Variants in PUS10 observed in about 807,000 individuals in gnomAD.
PUS10 encodes tRNA pseudouridine synthase Pus10.
PUS10 carries 59 observed loss-of-function variants against 75.0 expected under a neutral mutation model. The ratio of observed to expected loss-of-function variants is 0.79; its 90% confidence interval spans 0.64 to 0.98. PUS10 has a LOEUF of 0.98. Ranked by LOEUF, PUS10 falls within the 50% of genes least tolerant of loss-of-function variation. PUS10 has a pLI of 0.00. For missense variants in PUS10, 650 were observed against 614.4 expected (o/e 1.06, Z -0.61); for synonymous variants, 219 against 211.6 (o/e 1.03, Z -0.30).
intron 12 of PUS10, 140 bp downstream of exon 12, chr2:60,954,878 T>A (rs1344286803): frequency 2.0e-6 from 1 of 495,536 alleles, no homozygotes; most frequent in African/African-American, 2.0e-5. Flanking sequence ...GCCTCCATAA[T>A]CCACAAAGCT....
intron 15 of PUS10, among the ~76,000 whole-genome samples, chr2:60,948,418 C>G (rs1221991937): frequency 4.6e-5 from 7 of 152,092 alleles, no homozygotes; most frequent in Non-Finnish European, 2.9e-5. Context: ...GATAGAGATG[C>G]GGTTTCACCA....
chr2:60,991,911 C>G (rs1573479583), intron 4 of PUS10, among the ~76,000 whole-genome samples: 1 of 152,096 alleles, frequency 6.6e-6, no homozygotes, highest in East Asian at 1.9e-4. Context: ...TGGTAGGGGA[C>G]ACCTCCCTGG....
chr2:60,958,896 G>T (rs1479239606), intron 11 of PUS10, among the ~76,000 whole-genome samples: 1 of 151,620 alleles, frequency 6.6e-6, no homozygotes, highest in Admixed American at 6.6e-5. Flanking sequence ...AAAAAAAAAA[G>T]GTTTTCTAAT....
intron 4 of PUS10, among the ~76,000 whole-genome samples, chr2:60,972,397 G>C (rs1263905640): frequency 6.6e-6 from 1 of 151,758 alleles, no homozygotes; most frequent in African/African-American, 2.4e-5. Context: ...GTGAACCCGG[G>C]AGGCGGAGCT....
chr2:60,944,199 C>T, intron 17 of PUS10: 1 of 983,634 alleles, frequency 1.0e-6, no homozygotes, highest in East Asian at 1.1e-4. Flanking sequence ...GATAGTTTCA[C>T]TGAAGAGGCT....
At chr2:60,986,804 C>T (rs954124607) in intron 4 of PUS10, among the ~76,000 whole-genome samples, 2 of 152,122 alleles carry the variant, frequency 1.3e-5, no homozygotes, top group African/African-American at 4.8e-5. Context: ...GCAAGGGATT[C>T]GGAGACAGAA....
At chr2:60,991,904 T>C (rs1447469973) in intron 4 of PUS10, among the ~76,000 whole-genome samples, 1 of 152,120 alleles carries the variant, frequency 6.6e-6, no homozygotes, top group African/African-American at 2.4e-5. Context: ...TTTAACGTGG[T>C]AGGGGACACC....
chr2:60,968,000 C>A (rs1158716718), intron 5 of PUS10, among the ~76,000 whole-genome samples: 1 of 152,126 alleles, frequency 6.6e-6, no homozygotes, highest in Admixed American at 6.5e-5. Flanking sequence ...ATAATCACAT[C>A]CACATTTTAA....
chr2:60,959,054 T>G (rs924789229), intron 11 of PUS10, among the ~76,000 whole-genome samples: 1 of 152,222 alleles, frequency 6.6e-6, no homozygotes. Context: ...AACATAAACC[T>G]GATGGAACCT....
chr2:60,944,104 G>A (rs1174015084), intron 17 of PUS10: 10 of 395,406 alleles, frequency 2.5e-5, no homozygotes, highest in Non-Finnish European at 3.4e-5. Flanking sequence ...CTCCAGCCTG[G>A]GTGACAGTGC....
At chr2:60,947,588 G>C (rs1675027140) in intron 16 of PUS10, among the ~76,000 whole-genome samples, 1 of 152,126 alleles carries the variant, frequency 6.6e-6, no homozygotes, top group Non-Finnish European at 1.5e-5. Context: ...ACAGCACTTC[G>C]GAAGGCCGAG....
intron 15 of PUS10, 46 bp from the exon 16 acceptor site, chr2:60,948,231 C>T: frequency 1.3e-6 from 2 of 1,590,366 alleles, no homozygotes; most frequent in East Asian, 2.2e-5. Flanking sequence ...AGCTTTGCCA[C>T]CCAGTGAATC....
rs751971243 is a variant in PUS10, at chr2:60,953,962, G to A, written c.1161C>T (p.Ile387=). 2 of 1,613,948 alleles carry A rather than the reference G, an allele frequency of 1.2e-6. No individual in the cohort carries two copies. Among genetic ancestry groups the A allele is most frequent in the South Asian group, 2.2e-5 (2 of 91,074 alleles). Residue 387 remains isoleucine (I), a synonymous_variant, in exon 14 of 18, where the codon ATC becomes ATT. Transcript: ENST00000316752. Reference sequence around the variant, plus strand: ...TGACAAGCTGCAAGTCACGTACTTGGATTTTGTTAGATGAGTTATTAATTT... The same window carrying A: ...TGACAAGCTGCAAGTCACGTACTTGAATTTTGTTAGATGAGTTATTAATTT... ...QQKINNSSNK[I]QVRDLQLVTR...
At chr2:61,013,265 G>GAA (rs61561925) in intron 1 of PUS10, among the ~76,000 whole-genome samples, 43 of 112,242 alleles carry the variant, frequency 3.8e-4, no homozygotes, top group Non-Finnish European at 5.0e-4. Context: ...AAAAGAAACA[G>GAA]AAAAAAAAAA....
intron 2 of PUS10, chr2:61,010,855 G>A (rs1417114335): frequency 6.5e-7 from 1 of 1,550,232 alleles, no homozygotes; most frequent in Non-Finnish European, 8.7e-7. Flanking sequence ...CTTTGGGCAG[G>A]TTGCTTAACC....
At chr2:60,987,242 G>A (rs1454437593) in intron 4 of PUS10, among the ~76,000 whole-genome samples, 2 of 152,130 alleles carry the variant, frequency 1.3e-5, no homozygotes, top group African/African-American at 2.4e-5. Flanking sequence ...AATGACCAAG[G>A]CAGATTTAAC....
intron 9 of PUS10, among the ~76,000 whole-genome samples, chr2:60,962,442 T>C (rs1231530179): frequency 1.3e-5 from 2 of 152,028 alleles, no homozygotes; most frequent in Non-Finnish European, 1.5e-5. Flanking sequence ...GCAGTGGTGG[T>C]GCATGCCTAT....
At chr2:60,967,079 A>G (rs115909769) in intron 6 of PUS10, 1,897 of 166,962 alleles carry the variant, frequency 0.011, 11 homozygotes, top group Non-Finnish European at 0.018. Flanking sequence ...GATTGAGCCC[A>G]TACTCATTGT....
chr2:60,981,572 G>A (rs145787560), intron 4 of PUS10, among the ~76,000 whole-genome samples: 74 of 152,264 alleles, frequency 4.9e-4, no homozygotes, highest in African/African-American at 1.1e-3. Context: ...GTGAGCCACC[G>A]TGCCTGGCCT....
Sources: allele counts gnomAD v4.1 joint callset (sites outside exome capture counted in the v4.1 genomes callset), GRCh38; gene constraint gnomAD v4.1.1; transcripts MANE v1.5; gene names NCBI Gene and HGNC (gene_info 2026-07-23, HGNC 2026-07-21).